Variants in SYT1 observed in about 807,000 individuals in gnomAD.
SYT1 encodes synaptotagmin-1.
SYT1 carries 8 observed loss-of-function variants against 44.8 expected under a neutral mutation model. The ratio of observed to expected loss-of-function variants is 0.18; its 90% confidence interval spans 0.10 to 0.32. The LOEUF is 0.32. SYT1 is among the 10% of genes least tolerant of loss of function. The pLI, the probability that SYT1 is intolerant of heterozygous loss-of-function variation, is 1.00. For missense variants in SYT1, 286 were observed against 509.3 expected (o/e 0.56, Z 4.22); for synonymous variants, 154 against 188.8 (o/e 0.82, Z 1.51).
chr12:78,891,154 T>TA (rs1288580560), intron 1 of SYT1, among the ~76,000 whole-genome samples: 3 of 151,926 alleles, frequency 2.0e-5, no homozygotes, highest in African/African-American at 4.8e-5. Context: ...GAGCTCTTGA[T>TA]ATGTAGTTAT....
chr12:79,188,739 CT>C (rs1368797142), intron 3 of SYT1, among the ~76,000 whole-genome samples: 2 of 152,028 alleles, frequency 1.3e-5, no homozygotes, highest in Non-Finnish European at 2.9e-5. Context: ...AAATAATTTG[CT>C]TTTTTCCCCC....
chr12:79,168,424 CCCA>C (rs1871333073), intron 3 of SYT1, among the ~76,000 whole-genome samples: 1 of 152,066 alleles, frequency 6.6e-6, no homozygotes, highest in Admixed American at 6.6e-5. Context: ...TCTTAATAAA[CCCA>C]CCAAGTGATA....
chr12:78,965,977 T>C (rs1174628213), intron 1 of SYT1, among the ~76,000 whole-genome samples: 1 of 151,018 alleles, frequency 6.6e-6, no homozygotes, highest in African/African-American at 2.4e-5. Flanking sequence ...CTCGGGAGGC[T>C]GAGGCAGGAG....
intron 3 of SYT1, among the ~76,000 whole-genome samples, chr12:79,054,931 C>T (rs1874819444): frequency 6.6e-6 from 1 of 151,886 alleles, no homozygotes; most frequent in Non-Finnish European, 1.5e-5. Context: ...CATTATTATT[C>T]ATGATAAATC....
In SYT1 at chr12:79,147,353, T is replaced by A. The variant is rs192784773; in HGVS notation, c.-17-70150T>A. Among the ~76,000 whole-genome samples, 7 of 152,316 alleles carry A rather than the reference T, an allele frequency of 4.6e-5. No individual in the cohort carries two copies. The East Asian group carries it at 1.3e-3, about 29-fold the overall frequency. ...AAAGACAGGCCTTTAGAAAATATAT[T>A]CTTAGTGTTCCCCTAATCACAAACT... On this transcript the variant is annotated intron_variant, in intron 3 of 10. Transcript: ENST00000261205.
At chr12:79,336,187 A>G (rs1016924456) in intron 8 of SYT1, among the ~76,000 whole-genome samples, 2 of 152,178 alleles carry the variant, frequency 1.3e-5, no homozygotes, top group African/African-American at 4.8e-5. Context: ...TACTGCAAAT[A>G]TGTCTCCTGG....
chr12:79,171,761 T>C (rs1871539025), intron 3 of SYT1, among the ~76,000 whole-genome samples: 2 of 152,000 alleles, frequency 1.3e-5, no homozygotes. Context: ...TTGCTAGCTG[T>C]GTAACATGGA....
chr12:79,317,000 T>C (rs1881120519), intron 8 of SYT1, among the ~76,000 whole-genome samples: 3 of 152,210 alleles, frequency 2.0e-5, no homozygotes, highest in Non-Finnish European at 2.9e-5. Context: ...TATATACCTA[T>C]GTGTTTGAAA....
chr12:79,025,395 G>A (rs2137642744), intron 2 of SYT1, among the ~76,000 whole-genome samples: 1 of 151,754 alleles, frequency 6.6e-6, no homozygotes, highest in African/African-American at 2.4e-5. Flanking sequence ...GGGAAGCCTG[G>A]AAATGATGCT....
intron 9 of SYT1, chr12:79,392,846 G>A (rs1211972476): frequency 1.5e-5 from 2 of 129,286 alleles, no homozygotes; most frequent in Non-Finnish European, 3.1e-5. Context: ...GGTTACATGT[G>A]CACAACGTGC....
intron 2 of SYT1, among the ~76,000 whole-genome samples, chr12:78,987,986 G>A (rs145070373): frequency 6.6e-6 from 1 of 152,120 alleles, no homozygotes; most frequent in East Asian, 1.9e-4. Flanking sequence ...TGGAACTGTG[G>A]AGGGATGTTC....
At chr12:79,256,498 A>G (rs1877526016) in intron 4 of SYT1, among the ~76,000 whole-genome samples, 1 of 152,188 alleles carries the variant, frequency 6.6e-6, no homozygotes, top group Non-Finnish European at 1.5e-5. Context: ...TGTGATGCCA[A>G]TTCTTGTGAT....
chr12:79,215,557 C>T (rs916575108), intron 3 of SYT1, among the ~76,000 whole-genome samples: 3 of 151,964 alleles, frequency 2.0e-5, no homozygotes, highest in East Asian at 3.9e-4. Flanking sequence ...AGGCCAGGTG[C>T]GGTGGCTCAC....
chr12:79,150,975 A>G (rs995631601), intron 3 of SYT1, among the ~76,000 whole-genome samples: 2 of 152,110 alleles, frequency 1.3e-5, no homozygotes, highest in Non-Finnish European at 2.9e-5. Flanking sequence ...TTTTGAGGAC[A>G]AGGAGGGAAT....
chr12:79,406,441 T>G (rs1180954057), intron 9 of SYT1, among the ~76,000 whole-genome samples: 1 of 152,168 alleles, frequency 6.6e-6, no homozygotes, highest in Non-Finnish European at 1.5e-5. Context: ...CCCAAGTTGG[T>G]GGCAGCAGAA....
At chr12:79,439,533 G>C (rs1301330922) in intron 9 of SYT1, among the ~76,000 whole-genome samples, 1 of 152,084 alleles carries the variant, frequency 6.6e-6, no homozygotes, top group Admixed American at 6.6e-5. Context: ...GCTAATGGTG[G>C]TTACCAATTC....
rs571903732 is a variant in SYT1 at position 79,088,738 on chromosome 12, CTGTGTGTGTG to C, written c.-18+41408_-18+41417del. On this transcript the variant is annotated intron_variant, in intron 3 of 10. Coordinates refer to ENST00000261205, the MANE Select transcript of SYT1 (RefSeq NM_005639.3). Reference sequence around the variant, plus strand: ...TATTCAGATCACAGTGGCTTTGGGCCTGTGTGTGTGTGTGTGTGTGTGTGTGTGTGTGTGT... The same window carrying C: ...TATTCAGATCACAGTGGCTTTGGGCCTGTGTGTGTGTGTGTGTGTGTGTGT... 7.2e-3 allele frequency among the ~76,000 whole-genome samples: 982 copies of C among 137,244 alleles called. 10 individuals carry two copies. The highest frequency in any genetic ancestry group is 0.021 in the African/African-American group (786 of 37,504). The allele number at this position is 137,244 out of a possible 152,430, so 90.0% of individuals were successfully genotyped here.
At chr12:79,007,936 G>A (rs1397131767) in intron 2 of SYT1, among the ~76,000 whole-genome samples, 1 of 152,032 alleles carries the variant, frequency 6.6e-6, no homozygotes, top group Non-Finnish European at 1.5e-5. Flanking sequence ...GTCTGGCACT[G>A]GTTTTAGGAA....
chr12:79,366,689 T>C (rs1883555781), intron 9 of SYT1, among the ~76,000 whole-genome samples: 1 of 152,204 alleles, frequency 6.6e-6, no homozygotes, highest in Non-Finnish European at 1.5e-5. Context: ...CTCAGTCTGT[T>C]CATCTATAAA....
Sources: gnomAD v4.1 joint callset for allele counts (sites outside exome capture counted in the v4.1 genomes callset) on GRCh38, gnomAD v4.1.1 for gene constraint, MANE v1.5 for transcripts, NCBI Gene and HGNC (gene_info 2026-07-23, HGNC 2026-07-21) for gene names.